The following CLPSL1 variants were observed in gnomAD, a reference collection of about 807,000 sequenced individuals.
CLPSL1 encodes the protein colipase-like protein 1.
A neutral mutation model predicts 9.3 loss-of-function variants in CLPSL1; 13 were observed. That is an observed-to-expected ratio of 1.40 (90% CI 0.91 to 2.22). CLPSL1 has a LOEUF of 2.22. Ranked by LOEUF, CLPSL1 falls within the 30% of genes most tolerant of loss-of-function variation. The pLI is 0.00. For missense variants in CLPSL1, 164 were observed against 146.6 expected (o/e 1.12, Z -0.61); for synonymous variants, 58 against 56.9 (o/e 1.02, Z -0.08).
chr6:35,786,825 T>C (rs1311789954), intron 1 of CLPSL1, among the ~76,000 whole-genome samples, 173 bp from the exon 2 acceptor site: 6 of 152,286 alleles, frequency 3.9e-5, no homozygotes, highest in African/African-American at 1.4e-4. Flanking sequence ...GCATCCACCG[T>C]CTGCACAGAC....
downstream of CLPSL1, among the ~76,000 whole-genome samples, chr6:35,788,507 G>A (rs950377563): frequency 2.6e-5 from 4 of 152,258 alleles, no homozygotes; most frequent in East Asian, 3.8e-4. Flanking sequence ...GATGTTAGGG[G>A]CCGCTCTAGC....
chr6:35,788,751 G>A (rs934662583), downstream of CLPSL1, among the ~76,000 whole-genome samples: 15 of 152,268 alleles, frequency 9.9e-5, no homozygotes, highest in African/African-American at 2.7e-4. Flanking sequence ...CTGGAGCAGC[G>A]ACTGTGGTGT....
At chr6:35,792,399 G>T (rs1768238563), downstream of CLPSL1, among the ~76,000 whole-genome samples, 1 of 152,264 alleles carries the variant, frequency 6.6e-6, no homozygotes, top group Non-Finnish European at 1.5e-5. Flanking sequence ...GCCTATTTTA[G>T]AATAAAGTGT....
At chr6:35,784,123 T>C (rs1170704381) in intron 1 of CLPSL1, among the ~76,000 whole-genome samples, 1 of 152,138 alleles carries the variant, frequency 6.6e-6, no homozygotes, top group Non-Finnish European at 1.5e-5. Context: ...TGTCAGTCAG[T>C]ACCTGTAAGA....
downstream of CLPSL1, among the ~76,000 whole-genome samples, chr6:35,789,602 A>G (rs1046723217): frequency 5.3e-5 from 8 of 152,274 alleles, no homozygotes; most frequent in Non-Finnish European, 7.3e-5. Context: ...CTACATGCTG[A>G]AAAGCTCTGG....
rs142347416 is a variant in CLPSL1, at chr6:35,783,276, C to T, written c.99+2067C>T. Among the ~76,000 whole-genome samples the T allele has an allele frequency of 7.6e-4, 115 of 152,220 alleles. No homozygotes were observed. In the East Asian group the frequency reaches 0.021, roughly 28 times the overall value. The stretch of plus-strand genomic sequence containing the variant: ...CTGTAATCCTAACACTTTGGAAGGC[C>T]GAGGCAAGTGGATCACCTGACGTCA... On this transcript the variant is annotated intron_variant, in intron 1 of 2. Transcript: ENST00000373861.
Position 35,781,069 on chromosome 6 carries a change from T to C in CLPSL1, c.-42T>C. The C allele has an allele frequency of 6.2e-7, 1 of 1,610,232 alleles. No individual in the cohort carries two copies. Among genetic ancestry groups the C allele is most frequent in the Non-Finnish European group, 8.5e-7 (1 of 1,178,036 alleles). ...ACACCCACATGGTCGGCGTGCAGGATATTTCGCTGGACCCTAGAAAAGCCA... is the reference window on the plus strand; with the variant it reads ...ACACCCACATGGTCGGCGTGCAGGACATTTCGCTGGACCCTAGAAAAGCCA... On this transcript the variant is annotated 5_prime_UTR_variant, in exon 1 of 3. Transcript: ENST00000373861.
downstream of CLPSL1, among the ~76,000 whole-genome samples, chr6:35,790,005 C>T (rs889598290): frequency 6.6e-6 from 1 of 152,246 alleles, no homozygotes; most frequent in Non-Finnish European, 1.5e-5. Flanking sequence ...CAGCTCACTG[C>T]AGCCTCATCC....
downstream of CLPSL1, among the ~76,000 whole-genome samples, chr6:35,792,098 A>AAAAT (rs112994835): frequency 0.23 from 33,977 of 149,126 alleles, 1,507 homozygotes; most frequent in African/African-American, 0.3. Flanking sequence ...CCCCGCCACA[A>AAAAT]AAATAAATAA....
Position 35,783,761 on chromosome 6 carries a change from TCG to T in CLPSL1, c.99+2554_99+2555del, listed in dbSNP as rs1282646434. ...AGGCACAGCTTGCAGTGAGCCGAGA[TCG>T]CACCACTGCATTCCAGCCTGGGCGA... On this transcript the variant is annotated intron_variant, in intron 1 of 2. Coordinates refer to ENST00000373861, the MANE Select transcript of CLPSL1 (RefSeq NM_001010886.5). 6.7e-4 allele frequency among the ~76,000 whole-genome samples: 94 copies of T among 140,944 alleles called. 1 individual carries two copies. Among genetic ancestry groups the T allele is most frequent in the Non-Finnish European group, 1.1e-3 (73 of 66,738 alleles). 92.5% of individuals were successfully genotyped at this position (140,944 alleles called of 152,430 possible).
chr6:35,793,875 T>C (rs1225047747), downstream of CLPSL1, among the ~76,000 whole-genome samples: 6 of 152,382 alleles, frequency 3.9e-5, no homozygotes, highest in Non-Finnish European at 5.9e-5. Flanking sequence ...AGCTTCCACC[T>C]GCGTACCTGG....
At chr6:35,788,155 C>A, downstream of CLPSL1, 1 of 488,058 alleles carries the variant, frequency 2.0e-6, no homozygotes, top group Non-Finnish European at 4.0e-6. Flanking sequence ...TCAATGTTTG[C>A]TGCCCACAGA....
At chr6:35,782,448 G>A (rs1403331794) in intron 1 of CLPSL1, among the ~76,000 whole-genome samples, 2 of 152,168 alleles carry the variant, frequency 1.3e-5, no homozygotes, top group African/African-American at 2.4e-5. Flanking sequence ...GGTTGCTAGC[G>A]GGGGAAATAA....
In CLPSL1 at chr6:35,787,133, G is replaced by T. The variant is rs780271496; in HGVS notation, c.222+13G>T. ...GTGTCAAACGCAGGTGGGTATCGCCGCCCGGGGGGAGCCAGAGGGGATCCA... is the reference window on the plus strand; with the variant it reads ...GTGTCAAACGCAGGTGGGTATCGCCTCCCGGGGGGAGCCAGAGGGGATCCA... On this transcript the variant is annotated intron_variant, in intron 2 of 2. Coordinates refer to ENST00000373861, the MANE Select transcript of CLPSL1 (RefSeq NM_001010886.5). The T allele has an allele frequency of 4.3e-6, 7 of 1,610,718 alleles. No individual in the cohort carries two copies. Among genetic ancestry groups the T allele is most frequent in the Non-Finnish European group, 5.1e-6 (6 of 1,179,224 alleles).
At chr6:35,790,518 T>TCATG (rs1368888511), downstream of CLPSL1, among the ~76,000 whole-genome samples, 1 of 152,360 alleles carries the variant, frequency 6.6e-6, no homozygotes, top group African/African-American at 2.4e-5. Flanking sequence ...GTAGGGAAGT[T>TCATG]CATGGAAGAG....
downstream of CLPSL1, among the ~76,000 whole-genome samples, chr6:35,789,515 G>A (rs1351125084): frequency 7.2e-5 from 11 of 152,384 alleles, no homozygotes; most frequent in Middle Eastern, 3.4e-3. Flanking sequence ...ACTATTACAC[G>A]ACATTGGTCT....
At chr6:35,793,783 C>T (rs372448996), downstream of CLPSL1, 10 of 351,070 alleles carry the variant, frequency 2.8e-5, no homozygotes, top group African/African-American at 8.6e-5. Flanking sequence ...GGGGCTGGGA[C>T]GACATCGAAG....
downstream of CLPSL1, among the ~76,000 whole-genome samples, chr6:35,790,585 G>A (rs1388002346): frequency 1.3e-5 from 2 of 152,278 alleles, no homozygotes; most frequent in Non-Finnish European, 2.9e-5. Context: ...AATAGAAGAA[G>A]GGGAGGAGGA....
chr6:35,781,761 TTTGGGACAGAGTC>T (rs1270633945), intron 1 of CLPSL1, among the ~76,000 whole-genome samples: 2 of 151,184 alleles, frequency 1.3e-5, no homozygotes, highest in Non-Finnish European at 3.0e-5. Flanking sequence ...TTTTCTTTTT[TTTGGGACAGAGTC>T]TTGCTTTGTC....
Sources: allele counts gnomAD v4.1 joint callset (sites outside exome capture counted in the v4.1 genomes callset), GRCh38; gene constraint gnomAD v4.1.1; transcripts MANE v1.5; gene names NCBI Gene and HGNC (gene_info 2026-07-23, HGNC 2026-07-21).